Variants in TFB1M observed in about 807,000 individuals in gnomAD.
TFB1M encodes the protein transcription factor B1, mitochondrial.
A neutral mutation model predicts 31.1 loss-of-function variants in TFB1M; 27 were observed. The observed-to-expected ratio is 0.87, with a 90% confidence interval of 0.64 to 1.20. The LOEUF is 1.20. Among genes scored for constraint, TFB1M ranks in the 50% most tolerant of loss-of-function variants. TFB1M has a pLI of 0.00. For synonymous variants in TFB1M, 166 were observed against 151.8 expected, an observed-to-expected ratio of 1.09 and a Z score of -0.69; for missense variants, 394 against 418.7, an observed-to-expected ratio of 0.94 and a Z score of 0.51.
At chr6:155,274,939 C>T (rs73008655) in intron 5 of TFB1M, among the ~76,000 whole-genome samples, 4,858 of 152,208 alleles carry the variant, frequency 0.032, 124 homozygotes, top group Middle Eastern at 0.055. Context: ...ATCATTTGGG[C>T]GAGGCGTGGT....
intron 5 of TFB1M, among the ~76,000 whole-genome samples, chr6:155,269,324 C>CTTTTTTTTTTTTTTT (rs60162262): frequency 7.9e-5 from 10 of 127,264 alleles, no homozygotes; most frequent in East Asian, 2.3e-4. Flanking sequence ...CTTTTCTTTT[C>CTTTTTTTTTTTTTTT]TTTTTTTTTT....
chr6:155,304,501 C>T (rs759214268), intron 2 of TFB1M, among the ~76,000 whole-genome samples: 64 of 152,042 alleles, frequency 4.2e-4, no homozygotes, highest in Non-Finnish European at 8.4e-4. Flanking sequence ...AATTTTCAGA[C>T]ATTAGACAAC....
intron 5 of TFB1M, among the ~76,000 whole-genome samples, chr6:155,281,829 AAG>A (rs1554254257): frequency 1.3e-5 from 2 of 151,950 alleles, no homozygotes; most frequent in Admixed American, 1.3e-4. Flanking sequence ...CATAAAAAAA[AAG>A]ACAGAATTTT....
intron 4 of TFB1M, among the ~76,000 whole-genome samples, chr6:155,292,106 T>TGGA (rs1239566849): frequency 1.3e-5 from 2 of 152,192 alleles, no homozygotes; most frequent in Non-Finnish European, 2.9e-5. Flanking sequence ...TGAAGAGGAC[T>TGGA]GGAGGCCCTT....
intron 5 of TFB1M, chr6:155,276,127 A>T: frequency 6.2e-7 from 1 of 1,614,212 alleles, no homozygotes; most frequent in Non-Finnish European, 8.5e-7. Flanking sequence ...TAATCTCGAC[A>T]GTGTGGTACA....
At chr6:155,240,485 A>C in the TFB1M span, 2 of 1,559,218 alleles carry the variant, frequency 1.3e-6, no homozygotes, top group South Asian at 1.2e-5. Context: ...GGATACTATC[A>C]GGGAGAGGCC....
Position 155,256,466 on chromosome 6 carries a change from G to GTGTT in TFB1M, c.*1366_*1369dup. 1 of 1,614,046 alleles carries GTGTT rather than the reference G, an allele frequency of 6.2e-7. No homozygotes were observed. The highest frequency in any genetic ancestry group is 2.2e-5 in the East Asian group (1 of 44,888). On this transcript the variant is annotated 3_prime_UTR_variant, in exon 7 of 7. Coordinates refer to ENST00000367166, the MANE Select transcript of TFB1M (RefSeq NM_016020.4). ...ACCTGTTTCTGTATCACAGCGAAAT[G>GTGTT]TGTTTTTCTCACTGTAGCTTCATCC... is the stretch of plus-strand genomic sequence containing the variant.
In TFB1M at chr6:155,278,312, CA is replaced by C. The variant is rs201978834; in HGVS notation, c.666+6845del. Among the ~76,000 whole-genome samples, 1,348 of 152,368 alleles carry C rather than the reference CA, an allele frequency of 8.8e-3. 10 individuals carry two copies. Among genetic ancestry groups the C allele is most frequent in the South Asian group, 0.018 (88 of 4,830 alleles). The stretch of plus-strand genomic sequence containing the variant: ...CACTCGCAGAAAATGCTCTATTTAA[CA>C]AACTATGAATTTAATAAATGCTCTC... On this transcript the variant is annotated intron_variant, in intron 5 of 6. Transcript: ENST00000367166.
intron 4 of TFB1M, among the ~76,000 whole-genome samples, chr6:155,296,190 C>A (rs1476354413): frequency 2.0e-5 from 3 of 152,040 alleles, no homozygotes; most frequent in Non-Finnish European, 4.4e-5. Flanking sequence ...GGAGGAAGTA[C>A]AATTTATATA....
chr6:155,253,696 C>A, downstream of TFB1M: 1 of 332,278 alleles, frequency 3.0e-6, no homozygotes, highest in Non-Finnish European at 5.4e-6. Context: ...GAATAGGATC[C>A]ACTGAATCTC....
chr6:155,305,682 A>G (rs1044685005), intron 2 of TFB1M, among the ~76,000 whole-genome samples: 1 of 89,788 alleles, frequency 1.1e-5, no homozygotes, highest in Middle Eastern at 5.5e-3. Flanking sequence ...TATATATTAA[A>G]TTATATATTT....
chr6:155,233,031 C>G, the TFB1M span: 2 of 152,186 alleles, frequency 1.3e-5, no homozygotes, highest in Non-Finnish European at 2.9e-5. Flanking sequence ...TTGCAGTACC[C>G]AGAATCCCTA....
intron 5 of TFB1M, among the ~76,000 whole-genome samples, chr6:155,262,672 C>T (rs1194120143): frequency 6.6e-6 from 1 of 152,208 alleles, no homozygotes; most frequent in Non-Finnish European, 1.5e-5. Context: ...CTACATAAGG[C>T]TTACAAACTA....
At chr6:155,266,715 C>T (rs1429907236) in intron 5 of TFB1M, among the ~76,000 whole-genome samples, 4 of 151,918 alleles carry the variant, frequency 2.6e-5, no homozygotes, top group African/African-American at 4.8e-5. Flanking sequence ...GGCGTGGTGG[C>T]GGCCGCCTGT....
chr6:155,253,370 T>G, downstream of TFB1M: 1 of 294,308 alleles, frequency 3.4e-6, no homozygotes, highest in Non-Finnish European at 6.3e-6. Flanking sequence ...ATTTATGTTT[T>G]TACAAATTTA....
At chr6:155,248,173 CTGACGGGTGAGG>C in the TFB1M span, 1 of 1,613,374 alleles carries the variant, frequency 6.2e-7, no homozygotes, top group Non-Finnish European at 8.5e-7. Flanking sequence ...GCACTACCAC[CTGACGGGTGAGG>C]CGGCGGCGGC....
In TFB1M at chr6:155,257,325, G is replaced by A. The variant is rs1420001753; in HGVS notation, c.*511C>T. 5.0e-6 allele frequency: 3 copies of A among 595,284 alleles called. No individual in the cohort carries two copies. Among genetic ancestry groups the A allele is most frequent in the Non-Finnish European group, 8.6e-6 (3 of 349,944 alleles). The allele number at this position is 595,284 out of a possible 1,614,324, so 36.9% of individuals were successfully genotyped here. ...ACCTAGATGAAACTGGTCAGAATCTGTAAATTACTTAGTTTATATCCACTT... is the reference window on the plus strand; with the variant it reads ...ACCTAGATGAAACTGGTCAGAATCTATAAATTACTTAGTTTATATCCACTT... On this transcript the variant is annotated 3_prime_UTR_variant, in exon 7 of 7. Coordinates refer to ENST00000367166, the MANE Select transcript of TFB1M (RefSeq NM_016020.4).
intron 5 of TFB1M, among the ~76,000 whole-genome samples, chr6:155,266,335 C>T (rs888305025): frequency 2.0e-5 from 3 of 152,132 alleles, no homozygotes; most frequent in Non-Finnish European, 1.5e-5. Context: ...CCAAAGCCCT[C>T]GTGTGGGCAG....
intron 5 of TFB1M, among the ~76,000 whole-genome samples, chr6:155,267,427 G>T (rs901424054): frequency 6.6e-6 from 1 of 152,248 alleles, no homozygotes; most frequent in African/African-American, 2.4e-5. Context: ...AGACCAGGTG[G>T]TCTTCAGTAT....
Sources: allele counts gnomAD v4.1 joint callset (sites outside exome capture counted in the v4.1 genomes callset), GRCh38; gene constraint gnomAD v4.1.1; transcripts MANE v1.5; gene names NCBI Gene and HGNC (gene_info 2026-07-23, HGNC 2026-07-21).